The following CDH4 variants were observed in gnomAD, a reference collection of about 807,000 sequenced individuals.
The protein encoded by CDH4 is cadherin-4.
In CDH4, 33 loss-of-function variants were observed where a neutral mutation model predicts 86.0. That is an observed-to-expected ratio of 0.38 (90% confidence interval 0.29 to 0.51). CDH4 has a LOEUF of 0.51. Ranked by LOEUF, CDH4 falls within the 20% of genes least tolerant of loss-of-function variation. CDH4 has a pLI of 0.86. For synonymous variants in CDH4, 555 were observed against 549.4 expected (o/e 1.01, Z -0.14); for missense variants, 1,114 against 1,307.4 (o/e 0.85, Z 2.28).
rs1401770221 is a variant in CDH4, at chr20:61,689,064, A to AT, written c.170-54499_170-54498insT. Reference sequence around the variant, plus strand: ...AGGATACCATGTTCCACTTTGGATGAATTTCTCCTATCTGTGGGTAGCTGT... The same window carrying AT: ...AGGATACCATGTTCCACTTTGGATGATATTTCTCCTATCTGTGGGTAGCTGT... On this transcript the variant is annotated intron_variant, in intron 2 of 15. Coordinates refer to ENST00000614565, the MANE Select transcript of CDH4 (RefSeq NM_001794.5). Among the ~76,000 whole-genome samples, 8 of 152,370 alleles carry AT rather than the reference A, an allele frequency of 5.3e-5. No homozygotes were observed. In the East Asian group the frequency reaches 1.5e-3, roughly 29 times the overall value.
At chr20:61,883,781 T>C (rs932596380) in intron 7 of CDH4, among the ~76,000 whole-genome samples, 2 of 152,168 alleles carry the variant, frequency 1.3e-5, no homozygotes, top group Non-Finnish European at 2.9e-5. Context: ...CCTGCCTGCC[T>C]CCATCTTGTT....
intron 2 of CDH4, among the ~76,000 whole-genome samples, chr20:61,367,183 G>A (rs186097105): frequency 3.1e-3 from 471 of 152,306 alleles, no homozygotes; most frequent in Non-Finnish European, 5.1e-3. Context: ...CCCCAGGCCA[G>A]GGTGGGACAG....
chr20:61,294,474 C>G (rs906805208), intron 2 of CDH4, among the ~76,000 whole-genome samples: 1 of 152,216 alleles, frequency 6.6e-6, no homozygotes, highest in Non-Finnish European at 1.5e-5. Flanking sequence ...GGAAACACAG[C>G]TGCTCTTCCC....
At chr20:61,819,989 G>A (rs1236163455) in intron 4 of CDH4, among the ~76,000 whole-genome samples, 2 of 152,174 alleles carry the variant, frequency 1.3e-5, no homozygotes, top group East Asian at 1.9e-4. Context: ...AAGCCCAGGG[G>A]TGGCCACCTC....
At chr20:61,320,134 C>G (rs1189329500) in intron 2 of CDH4, among the ~76,000 whole-genome samples, 2 of 152,166 alleles carry the variant, frequency 1.3e-5, no homozygotes, top group African/African-American at 4.8e-5. Context: ...ACTGTTCCCT[C>G]TCTGCATTTA....
intron 4 of CDH4, among the ~76,000 whole-genome samples, chr20:61,774,156 G>T (rs2088811819): frequency 6.6e-6 from 1 of 152,214 alleles, no homozygotes; most frequent in South Asian, 2.1e-4. Flanking sequence ...CACAGAGCCG[G>T]CCCTCCCACC....
intron 2 of CDH4, among the ~76,000 whole-genome samples, chr20:61,317,404 A>G (rs1568794822): frequency 6.6e-6 from 1 of 152,182 alleles, no homozygotes; most frequent in Non-Finnish European, 1.5e-5. Context: ...AGGTGCCTGC[A>G]CTGTAAATTC....
chr20:61,504,434 G>C (rs1409759314), intron 2 of CDH4, among the ~76,000 whole-genome samples: 1 of 152,200 alleles, frequency 6.6e-6, no homozygotes, highest in Non-Finnish European at 1.5e-5. Flanking sequence ...GATAGAGGTG[G>C]GGTGTTTGTG....
intron 2 of CDH4, among the ~76,000 whole-genome samples, chr20:61,725,090 C>T (rs777830925): frequency 5.9e-5 from 9 of 152,062 alleles, no homozygotes; most frequent in African/African-American, 1.2e-4. Context: ...CCAGCCTGGG[C>T]GACAGAGTGA....
At chr20:61,539,275 G>A (rs77450333) in intron 2 of CDH4, among the ~76,000 whole-genome samples, 1,790 of 152,286 alleles carry the variant, frequency 0.012, 29 homozygotes, top group African/African-American at 0.041. Context: ...CATGGGCCGT[G>A]TCCACAGTGT....
At chr20:61,312,325 G>A (rs2084451022) in intron 2 of CDH4, among the ~76,000 whole-genome samples, 2 of 151,106 alleles carry the variant, frequency 1.3e-5, no homozygotes. Context: ...CATGTGTGTG[G>A]TGTGTGTGTA....
intron 3 of CDH4, among the ~76,000 whole-genome samples, chr20:61,758,388 G>A (rs1376889966): frequency 6.6e-6 from 1 of 152,210 alleles, no homozygotes; most frequent in African/African-American, 2.4e-5. Context: ...CCTGGGCCCT[G>A]CCCGTATTGT....
In CDH4 at chr20:61,902,436, G is replaced by T; in HGVS notation, c.1188+7389G>T. ...AGAACCGCTCCCGTGCTCGTTGCAGGAGTGCAAGGGCAGATCCACAGAGGA... is the reference window on the plus strand; with the variant it reads ...AGAACCGCTCCCGTGCTCGTTGCAGTAGTGCAAGGGCAGATCCACAGAGGA... On this transcript the variant is annotated intron_variant, in intron 8 of 15. Coordinates refer to ENST00000614565, the MANE Select transcript of CDH4 (RefSeq NM_001794.5). This position sits in a 1 kb window ranked among gnomAD's most constrained non-coding sequence, Gnocchi z 4.6. Among the ~76,000 whole-genome samples, 1 of 152,380 alleles carries T rather than the reference G, an allele frequency of 6.6e-6. No individual in the cohort carries two copies. The highest frequency in any genetic ancestry group is 1.9e-4 in the East Asian group (1 of 5,186).
At chr20:61,445,334 C>A (rs1288132686) in intron 2 of CDH4, among the ~76,000 whole-genome samples, 1 of 152,198 alleles carries the variant, frequency 6.6e-6, no homozygotes, top group Non-Finnish European at 1.5e-5. Flanking sequence ...GAGTCTGACT[C>A]CGAAGGAAAG....
At chr20:61,465,364 T>A (rs562714979) in intron 2 of CDH4, among the ~76,000 whole-genome samples, 2 of 131,024 alleles carry the variant, frequency 1.5e-5, no homozygotes, top group South Asian at 4.4e-4. Flanking sequence ...GAACCTGGGA[T>A]TTTTTTTTTT....
At chr20:61,613,643 G>A (rs2086703118) in intron 2 of CDH4, among the ~76,000 whole-genome samples, 1 of 151,866 alleles carries the variant, frequency 6.6e-6, no homozygotes, top group Admixed American at 6.6e-5. Context: ...TAAACCACTA[G>A]GGAAATAATT....
At chr20:61,871,081 G>C (rs1313385487) in intron 6 of CDH4, among the ~76,000 whole-genome samples, 1 of 151,900 alleles carries the variant, frequency 6.6e-6, no homozygotes, top group African/African-American at 2.4e-5. Context: ...ATCAGAGAGA[G>C]AGACAGAGAC....
rs752621914 is a variant in CDH4, at chr20:61,427,196, A to G, written c.169+172259A>G. On this transcript the variant is annotated intron_variant, in intron 2 of 15. Coordinates refer to ENST00000614565, the MANE Select transcript of CDH4 (RefSeq NM_001794.5). ...GTTGAGCCCTTCCTCACGGTTCCACATTCCCAGCGTTGCAGAGAGGACCTG... is the reference window on the plus strand; with the variant it reads ...GTTGAGCCCTTCCTCACGGTTCCACGTTCCCAGCGTTGCAGAGAGGACCTG... Among the ~76,000 whole-genome samples, 4 of 152,184 alleles carry G rather than the reference A, an allele frequency of 2.6e-5. No homozygotes were observed. The South Asian group carries it at 8.3e-4, about 32-fold the overall frequency.
intron 2 of CDH4, among the ~76,000 whole-genome samples, chr20:61,324,084 C>A (rs2084524139): frequency 6.6e-6 from 1 of 152,144 alleles, no homozygotes; most frequent in South Asian, 2.1e-4. Flanking sequence ...TCCTTACTGG[C>A]TGCCAAGGGT....
Sources: gnomAD v4.1 joint callset for allele counts (sites outside exome capture counted in the v4.1 genomes callset) on GRCh38, gnomAD v4.1.1 for gene constraint, Gnocchi (gnomAD v3.1) non-coding constraint, MANE v1.5 for transcripts, NCBI Gene and HGNC (gene_info 2026-07-23, HGNC 2026-07-21) for gene names.